The following ACER3 variants were observed in gnomAD, a reference collection of about 807,000 sequenced individuals.
ACER3 encodes alkCDase 3.
In ACER3, 16 loss-of-function variants were observed where a neutral mutation model predicts 48.9. The observed-to-expected ratio is 0.33, with a 90% CI of 0.22 to 0.50. ACER3 has a LOEUF of 0.50. Ranked by LOEUF, ACER3 falls within the 20% of genes least tolerant of loss-of-function variation. The pLI is 0.98. For synonymous variants in ACER3, 109 were observed against 107.8 expected (o/e 1.01, Z -0.07); for missense variants, 227 against 326.0 (o/e 0.70, Z 2.34).
chr11:76,959,583 G>T (rs1053762677), intron 3 of ACER3, among the ~76,000 whole-genome samples: 5 of 150,864 alleles, frequency 3.3e-5, no homozygotes, highest in Admixed American at 6.6e-5. Context: ...TCAAAGTTTT[G>T]CTCTTATTGC....
At chr11:76,889,108 C>T (rs1280511055) in intron 1 of ACER3, among the ~76,000 whole-genome samples, 1 of 152,182 alleles carries the variant, frequency 6.6e-6, no homozygotes, top group Non-Finnish European at 1.5e-5. Flanking sequence ...TAGATGATCT[C>T]AGATCCATTT....
intron 4 of ACER3, among the ~76,000 whole-genome samples, chr11:76,979,859 G>A (rs908206542): frequency 1.3e-5 from 2 of 150,486 alleles, no homozygotes; most frequent in Non-Finnish European, 1.5e-5. Context: ...AACAGGTTTA[G>A]CTGGGCACAG....
chr11:76,885,904 G>A (rs905333400), intron 1 of ACER3, among the ~76,000 whole-genome samples: 21 of 152,136 alleles, frequency 1.4e-4, no homozygotes, highest in Admixed American at 1.3e-4. Context: ...GCCAGAAAAC[G>A]TGGTTATCAT....
intron 1 of ACER3, among the ~76,000 whole-genome samples, chr11:76,908,273 A>G (rs1177781286): frequency 1.3e-5 from 2 of 152,214 alleles, no homozygotes; most frequent in Non-Finnish European, 1.5e-5. Context: ...ATGATTGTAT[A>G]TTTAGAAATA....
chr11:76,964,570 G>C (rs1408913899), intron 3 of ACER3, among the ~76,000 whole-genome samples: 3 of 151,276 alleles, frequency 2.0e-5, no homozygotes, highest in Non-Finnish European at 4.4e-5. Context: ...CCCCAGTAGG[G>C]GTGGACTGAC....
intron 7 of ACER3, 121 bp from the exon 8 acceptor site, chr11:77,014,895 G>C: frequency 1.5e-6 from 1 of 673,774 alleles, no homozygotes; most frequent in South Asian, 1.7e-5. Flanking sequence ...CTGCACTCCA[G>C]CCTGGGCAAC....
At chr11:76,933,975 G>A (rs571904753) in intron 2 of ACER3, among the ~76,000 whole-genome samples, 20 of 151,768 alleles carry the variant, frequency 1.3e-4, no homozygotes, top group African/African-American at 2.9e-4. Flanking sequence ...AGACGGGGTC[G>A]CGGCTGTGCA....
Position 76,860,951 on chromosome 11 carries a change from G to T in ACER3, c.-26G>T, listed in dbSNP as rs1282909251. Reference sequence around the variant, plus strand: ...CCTAACCCGGCACAGTGAGCGGAGCGCCTGGGCGGCGGCGGCGGCGGCGTG... The same window carrying T: ...CCTAACCCGGCACAGTGAGCGGAGCTCCTGGGCGGCGGCGGCGGCGGCGTG... On this transcript the variant is annotated 5_prime_UTR_variant, in exon 1 of 11. Transcript: ENST00000532485. 12 of 1,504,408 alleles carry T rather than the reference G, an allele frequency of 8.0e-6. No homozygotes were observed. The highest frequency in any genetic ancestry group is 7.1e-6 in the Non-Finnish European group (8 of 1,120,622). The allele number at this position is 1,504,408 out of a possible 1,614,324, so 93.2% of individuals were successfully genotyped here. A position where few individuals can be genotyped will look rare whatever the true frequency, so the allele number is the denominator to read the frequency against.
chr11:76,984,313 A>G (rs1948644914), intron 4 of ACER3, among the ~76,000 whole-genome samples: 1 of 152,230 alleles, frequency 6.6e-6, no homozygotes, highest in Non-Finnish European at 1.5e-5. Context: ...TTGGTTTCTT[A>G]ACAGATAACT....
intron 1 of ACER3, among the ~76,000 whole-genome samples, chr11:76,899,884 A>G (rs558785286): frequency 3.5e-4 from 54 of 152,228 alleles, no homozygotes; most frequent in Non-Finnish European, 6.8e-4. Context: ...TTCATGTACA[A>G]TTTTGACTTT....
chr11:76,929,418 T>G (rs1231398734), intron 2 of ACER3, among the ~76,000 whole-genome samples: 1 of 152,220 alleles, frequency 6.6e-6, no homozygotes, highest in Non-Finnish European at 1.5e-5. Context: ...CAGGGACAAT[T>G]TGACTTCCTC....
At chr11:76,959,713 C>T (rs1328302894) in intron 3 of ACER3, among the ~76,000 whole-genome samples, 3 of 152,054 alleles carry the variant, frequency 2.0e-5, no homozygotes, top group Admixed American at 6.6e-5. Context: ...CCACCAAGCC[C>T]GGCTAATTTT....
At position 76,934,016 on chromosome 11, in the gene ACER3, C is replaced by T. The variant is rs1244876168; in HGVS notation, c.214+7349C>T. On this transcript the variant is annotated intron_variant, in intron 2 of 10. Coordinates refer to ENST00000532485, the MANE Select transcript of ACER3 (RefSeq NM_018367.7). ...GCTCCTCACATCCCAGACGGGGCGG[C>T]GGGGCAGAGGCACTCCCCACATCTC... Among the ~76,000 whole-genome samples the T allele has an allele frequency of 5.3e-5, 8 of 151,850 alleles. No individual in the cohort carries two copies. In the East Asian group the frequency reaches 1.2e-3, roughly 22 times the overall value.
intron 1 of ACER3, among the ~76,000 whole-genome samples, chr11:76,905,269 A>G (rs1289446169): frequency 1.3e-5 from 2 of 152,230 alleles, no homozygotes; most frequent in East Asian, 3.8e-4. Context: ...TAAATTAAAA[A>G]AAATTGAATC....
chr11:77,010,110 T>A (rs1240215982), intron 7 of ACER3, among the ~76,000 whole-genome samples: 4 of 151,624 alleles, frequency 2.6e-5, no homozygotes, highest in Admixed American at 2.0e-4. Flanking sequence ...GAAAAATGAC[T>A]CCCCTAAGAA....
intron 7 of ACER3, among the ~76,000 whole-genome samples, chr11:77,002,991 G>T (rs1555020201): frequency 1.3e-5 from 2 of 152,018 alleles, no homozygotes; most frequent in African/African-American, 4.8e-5. Context: ...ATCGTTTTAT[G>T]GGTACAAAGT....
At chr11:76,929,699 A>G (rs1467812213) in intron 2 of ACER3, among the ~76,000 whole-genome samples, 1 of 152,240 alleles carries the variant, frequency 6.6e-6, no homozygotes, top group Non-Finnish European at 1.5e-5. Context: ...ATTTCGTCAA[A>G]GGCCTTTGCT....
At chr11:76,929,418 T>C (rs1231398734) in intron 2 of ACER3, among the ~76,000 whole-genome samples, 1 of 152,220 alleles carries the variant, frequency 6.6e-6, no homozygotes, top group South Asian at 2.1e-4. Context: ...CAGGGACAAT[T>C]TGACTTCCTC....
chr11:76,967,485 GC>G, intron 3 of ACER3, among the ~76,000 whole-genome samples: 1 of 151,186 alleles, frequency 6.6e-6, no homozygotes, highest in Non-Finnish European at 1.5e-5. Context: ...TGTTACCAAA[GC>G]CTGGCAGAGA....
Sources: allele counts gnomAD v4.1 joint callset (sites outside exome capture counted in the v4.1 genomes callset), GRCh38; gene constraint gnomAD v4.1.1; transcripts MANE v1.5; gene names NCBI Gene and HGNC (gene_info 2026-07-23, HGNC 2026-07-21).